Variants in MBNL3 observed in about 807,000 individuals in gnomAD.
MBNL3 encodes muscleblind like splicing regulator 3, also known as muscleblind-like protein 3.
A neutral mutation model predicts 24.5 loss-of-function variants in MBNL3; 6 were observed. That is an observed-to-expected ratio of 0.25 (90% CI 0.13 to 0.48). The LOEUF is 0.48. Ranked by LOEUF, MBNL3 falls within the 20% of genes least tolerant of loss-of-function variation. MBNL3 has a pLI of 0.99. For synonymous variants in MBNL3, 100 were observed against 101.7 expected, an observed-to-expected ratio of 0.98 and a Z score of 0.10; for missense variants, 230 against 293.5, an observed-to-expected ratio of 0.78 and a Z score of 1.58.
chrX:132,453,835 T>G (rs1340250012), intron 1 of MBNL3, among the ~76,000 whole-genome samples: 1 of 111,433 alleles, frequency 9.0e-6, no homozygotes. Flanking sequence ...CTCACACCTG[T>G]CATCCTAGCA....
chrX:132,383,600 T>TTGG (rs763100621), intron 7 of MBNL3, among the ~76,000 whole-genome samples: 5 of 112,608 alleles, frequency 4.4e-5, no homozygotes, highest in Admixed American at 2.8e-4. Flanking sequence ...TGTGCTCCTG[T>TTGG]TGGTATTAAT....
intron 2 of MBNL3, among the ~76,000 whole-genome samples, chrX:132,420,332 C>T (rs1192555783): frequency 9.0e-6 from 1 of 111,428 alleles, no homozygotes; most frequent in Non-Finnish European, 1.9e-5. Context: ...TGGAAGTCAG[C>T]GGCGGGTCTG....
chrX:132,393,910 C>G (rs1490051927), intron 3 of MBNL3, among the ~76,000 whole-genome samples: 2 of 111,316 alleles, frequency 1.8e-5, no homozygotes, highest in African/African-American at 6.5e-5. Flanking sequence ...TACTCATTGC[C>G]TCACCCCCAC....
rs1035129166 is a variant in MBNL3, at chrX:132,451,197, G to T, written c.-703-10883C>A. Among the ~76,000 whole-genome samples the T allele has an allele frequency of 1.8e-5, 2 of 112,774 alleles. 1 individual carries two copies. Among genetic ancestry groups the T allele is most frequent in the Non-Finnish European group, 3.8e-5 (2 of 53,313 alleles). Reference sequence around the variant, plus strand: ...TGTCCCTTAGCAGAGCTCAAGCACTGTGCTGGGAGATCTGCCGCTCTCTTC... The same window carrying T: ...TGTCCCTTAGCAGAGCTCAAGCACTTTGCTGGGAGATCTGCCGCTCTCTTC... On this transcript the variant is annotated intron_variant, in intron 1 of 8. Transcript: ENST00000370853.
chrX:132,390,259 CAACAACA>C (rs1208519856), intron 5 of MBNL3, among the ~76,000 whole-genome samples: 1 of 44,319 alleles, frequency 2.3e-5, no homozygotes, highest in Non-Finnish European at 3.8e-5. Context: ...AAAACAACAA[CAACAACA>C]AAAAAAAAAA....
chrX:132,405,720 C>G (rs1471441931), intron 3 of MBNL3, among the ~76,000 whole-genome samples: 1 of 108,529 alleles, frequency 9.2e-6, no homozygotes, highest in African/African-American at 3.4e-5. Flanking sequence ...TAAAAATACA[C>G]AAAAAAATTA....
intron 2 of MBNL3, chrX:132,431,225 A>G (rs1944705156): frequency 9.0e-6 from 1 of 111,590 alleles, no homozygotes; most frequent in Non-Finnish European, 1.9e-5. Flanking sequence ...CTTGCCTGCA[A>G]CCATTATTAC....
At chrX:132,423,739 G>A (rs896904122) in intron 2 of MBNL3, among the ~76,000 whole-genome samples, 1 of 111,413 alleles carries the variant, frequency 9.0e-6, no homozygotes, top group Non-Finnish European at 1.9e-5. Context: ...TCTGTTTTAC[G>A]AGTAGCCCCA....
At chrX:132,390,248 CAA>C (rs1278124546) in intron 5 of MBNL3, among the ~76,000 whole-genome samples, 18 of 48,853 alleles carry the variant, frequency 3.7e-4, no homozygotes, top group African/African-American at 1.5e-3. Flanking sequence ...CAAAACAAAA[CAA>C]AACAACAACA....
intron 1 of MBNL3, among the ~76,000 whole-genome samples, chrX:132,457,012 T>C (rs1356433188): frequency 9.0e-6 from 1 of 111,473 alleles, no homozygotes; most frequent in African/African-American, 3.3e-5. Flanking sequence ...ATAAAATTTT[T>C]CTACCAAAAA....
intron 3 of MBNL3, among the ~76,000 whole-genome samples, chrX:132,395,003 A>G (rs1401392500): frequency 8.9e-6 from 1 of 112,091 alleles, no homozygotes; most frequent in Non-Finnish European, 1.9e-5. Flanking sequence ...TTAGTATCCT[A>G]GCTCTTATAA....
chrX:132,464,982 T>A (rs750699746), intron 1 of MBNL3, among the ~76,000 whole-genome samples: 73 of 111,373 alleles, frequency 6.6e-4, no homozygotes, highest in Non-Finnish European at 1.2e-3. Flanking sequence ...GAGGCAGAGG[T>A]TGCAGTGAGC....
In MBNL3 at chrX:132,378,193, A is replaced by C. The variant is rs1341993067; in HGVS notation, c.*1473T>G. 1.8e-5 allele frequency: 2 copies of C among 111,655 alleles called. No homozygotes were observed. Among genetic ancestry groups the C allele is most frequent in the Non-Finnish European group, 3.8e-5 (2 of 53,089 alleles). 9.2% of individuals were successfully genotyped at this position (111,655 alleles called of 1,213,427 possible). On this transcript the variant is annotated 3_prime_UTR_variant, in exon 9 of 9. Coordinates refer to ENST00000370853, the MANE Select transcript of MBNL3 (RefSeq NM_001386889.1). ...GATGTTAAAGTTTGGGCAGGGGGAC[A>C]CTTGCCATATATCACAGGTGCTTTC... is the stretch of plus-strand genomic sequence containing the variant.
intron 2 of MBNL3, chrX:132,413,513 A>T: frequency 8.6e-7 from 1 of 1,166,065 alleles, no homozygotes; most frequent in South Asian, 1.9e-5. Context: ...TCTCCATGGA[A>T]TCAGCCCAGG....
chrX:132,413,561 G>T (rs1943015784), intron 2 of MBNL3: 3 of 1,143,356 alleles, frequency 2.6e-6, no homozygotes, highest in Non-Finnish European at 3.5e-6. Context: ...TAAAGTAGAA[G>T]ACACTCTCAG....
intron 1 of MBNL3, among the ~76,000 whole-genome samples, chrX:132,484,929 ACG>A (rs56789519): frequency 1.9e-5 from 2 of 103,245 alleles, no homozygotes; most frequent in African/African-American, 8.1e-5. Flanking sequence ...GAGAATACAC[ACG>A]CGCACACACA....
intron 3 of MBNL3, among the ~76,000 whole-genome samples, chrX:132,393,648 G>A (rs1013629119): frequency 9.0e-6 from 1 of 111,259 alleles, no homozygotes; most frequent in African/African-American, 3.3e-5. Context: ...AAAGCTTAAT[G>A]AATGAATAAT....
intron 2 of MBNL3, chrX:132,432,083 T>C (rs936589879): frequency 6.3e-5 from 7 of 111,645 alleles, no homozygotes; most frequent in Admixed American, 9.6e-5. Flanking sequence ...TTACTGTTAA[T>C]ATTTTAAACT....
At chrX:132,396,921 T>TTCATATATAC (rs1939724523) in intron 3 of MBNL3, among the ~76,000 whole-genome samples, 1 of 66,548 alleles carries the variant, frequency 1.5e-5, no homozygotes, top group African/African-American at 6.8e-5. Context: ...TATACATATA[T>TTCATATATAC]ATTCATATAT....
Sources: allele counts gnomAD v4.1 joint callset (sites outside exome capture counted in the v4.1 genomes callset), GRCh38; gene constraint gnomAD v4.1.1; transcripts MANE v1.5; gene names NCBI Gene and HGNC (gene_info 2026-07-23, HGNC 2026-07-21).